Variants in ROBO2 observed in about 807,000 individuals in gnomAD.
The protein encoded by ROBO2 is roundabout homolog 2.
In ROBO2, 53 loss-of-function variants were observed where a neutral mutation model predicts 160.8. That is an observed-to-expected ratio of 0.33 (90% CI 0.26 to 0.41). The LOEUF (loss-of-function observed/expected upper bound fraction) is 0.41, where lower values mean the gene tolerates loss of function less well. Ranked by LOEUF, ROBO2 falls within the 10% of genes least tolerant of loss-of-function variation. The pLI, the probability that ROBO2 is intolerant of heterozygous loss-of-function variation, is 1.00. For synonymous variants in ROBO2, 664 were observed against 611.7 expected (o/e 1.09, Z -1.26); for missense variants, 1,577 against 1,722.4 (o/e 0.92, Z 1.49).
intron 2 of ROBO2, among the ~76,000 whole-genome samples, chr3:77,472,076 C>T (rs1462515866): frequency 2.0e-5 from 3 of 151,920 alleles, no homozygotes; most frequent in Non-Finnish European, 4.4e-5. Context: ...TCTGAAGTGG[C>T]GTATTTTGGG....
intron 1 of ROBO2, among the ~76,000 whole-genome samples, chr3:75,915,383 T>C (rs1297749705): frequency 6.6e-6 from 1 of 152,128 alleles, no homozygotes; most frequent in Non-Finnish European, 1.5e-5. Context: ...GTTAATGAAA[T>C]GTAATAGTGA....
At chr3:77,625,920 C>T (rs2095012913) in intron 23 of ROBO2, among the ~76,000 whole-genome samples, 1 of 152,050 alleles carries the variant, frequency 6.6e-6, no homozygotes, top group African/African-American at 2.4e-5. Flanking sequence ...ATCCTCACAA[C>T]CCTATTAATA....
At chr3:76,684,549 G>T (rs947712764) in intron 2 of ROBO2, among the ~76,000 whole-genome samples, 15 of 151,976 alleles carry the variant, frequency 9.9e-5, no homozygotes, top group Non-Finnish European at 1.9e-4. Context: ...TATTTTCTTT[G>T]CAATTTGCTT....
chr3:77,398,228 G>A (rs2153507668), intron 2 of ROBO2, among the ~76,000 whole-genome samples: 1 of 152,236 alleles, frequency 6.6e-6, no homozygotes, highest in South Asian at 2.1e-4. Context: ...AAAACCAAAA[G>A]AGAGGATTTC....
chr3:76,883,374 T>C (rs1333940040), intron 2 of ROBO2, among the ~76,000 whole-genome samples: 1 of 152,148 alleles, frequency 6.6e-6, no homozygotes, highest in East Asian at 1.9e-4. Context: ...TGTTCAAATG[T>C]TGTGATTAAT....
intron 2 of ROBO2, among the ~76,000 whole-genome samples, chr3:77,393,580 A>G (rs934207412): frequency 6.7e-6 from 1 of 148,604 alleles, no homozygotes; most frequent in Non-Finnish European, 1.5e-5. Context: ...TATAATTATA[A>G]TATATAGTAA....
intron 2 of ROBO2, among the ~76,000 whole-genome samples, chr3:76,482,137 C>T (rs957327201): frequency 6.6e-6 from 1 of 152,142 alleles, no homozygotes; most frequent in Non-Finnish European, 1.5e-5. Context: ...GCATGTGACC[C>T]TAACTAATAG....
intron 2 of ROBO2, among the ~76,000 whole-genome samples, chr3:76,061,748 A>G (rs2068075506): frequency 6.6e-6 from 1 of 152,148 alleles, no homozygotes; most frequent in African/African-American, 2.4e-5. Context: ...CAGATCCATT[A>G]TCTTATAATT....
rs1037942619 is a variant in ROBO2 at position 76,119,633 on chromosome 3, A to G, written c.109+182031A>G. On this transcript the variant is annotated intron_variant, in intron 2 of 26. Coordinates refer to the ROBO2 transcript ENST00000487694. ...ACATGTACCCTAGAACTTAATATAT[A>G]ATAAAAATAAATAAATAAAAAAGAA... 9.2e-5 allele frequency among the ~76,000 whole-genome samples: 14 copies of G among 151,836 alleles called. 1 individual carries two copies. Among genetic ancestry groups the G allele is most frequent in the Non-Finnish European group, 1.9e-4 (13 of 67,948 alleles).
intron 3 of ROBO2, 85 bp from the exon 4 acceptor site, chr3:77,481,014 A>G: frequency 1.6e-6 from 2 of 1,228,394 alleles, no homozygotes; most frequent in Admixed American, 1.7e-5. Context: ...ATGCTCAAAT[A>G]CTCAAAACTA....
At chr3:76,508,016 C>G (rs563678603) in intron 2 of ROBO2, among the ~76,000 whole-genome samples, 30 of 152,230 alleles carry the variant, frequency 2.0e-4, no homozygotes, top group Admixed American at 1.6e-3. Context: ...ATGTATGTCA[C>G]TTATCTAAAG....
chr3:76,223,689 G>C (rs147707079), intron 2 of ROBO2, among the ~76,000 whole-genome samples: 90 of 152,212 alleles, frequency 5.9e-4, no homozygotes, highest in Middle Eastern at 3.4e-3. Context: ...CTGAGTATCA[G>C]CAATATCAGC....
At chr3:77,646,273 T>C (rs1342789113) in exon 26 of ROBO2, 2 of 409,780 alleles carry the variant, frequency 4.9e-6, no homozygotes, top group South Asian at 2.2e-4. Context: ...TTGTCAGGAG[T>C]ATATAAAAAA....
At chr3:76,309,278 T>C (rs1192511991) in intron 2 of ROBO2, among the ~76,000 whole-genome samples, 1 of 152,204 alleles carries the variant, frequency 6.6e-6, no homozygotes, top group African/African-American at 2.4e-5. Context: ...GAGTTAAATA[T>C]AGCTCCCCAT....
intron 2 of ROBO2, among the ~76,000 whole-genome samples, chr3:76,146,697 GGTGTGTGTGT>G (rs139527329): frequency 7.3e-6 from 1 of 136,438 alleles, no homozygotes; most frequent in African/African-American, 2.7e-5. Context: ...GATTACATAG[GGTGTGTGTGT>G]GTGTGTGTGT....
chr3:76,262,066 T>C (rs1260682612), intron 2 of ROBO2, among the ~76,000 whole-genome samples: 2 of 152,156 alleles, frequency 1.3e-5, no homozygotes, highest in African/African-American at 4.8e-5. Context: ...GGAAGGTGAA[T>C]TGTCACATTG....
At chr3:75,937,629 T>G (rs1364062941) in intron 2 of ROBO2, 2 of 1,373,492 alleles carry the variant, frequency 1.5e-6, no homozygotes, top group Non-Finnish European at 2.0e-6. Flanking sequence ...TCTAATTCTT[T>G]GAGAGTTGGA....
At chr3:77,107,316 C>G (rs1271947304) in intron 2 of ROBO2, among the ~76,000 whole-genome samples, 1 of 152,030 alleles carries the variant, frequency 6.6e-6, no homozygotes, top group African/African-American at 2.4e-5. Context: ...AGACTTCAAG[C>G]AAGGGTTGTA....
At chr3:76,292,658 A>T (rs533693403) in intron 2 of ROBO2, among the ~76,000 whole-genome samples, 1 of 152,292 alleles carries the variant, frequency 6.6e-6, no homozygotes, top group African/African-American at 2.4e-5. Flanking sequence ...CTCATCAATC[A>T]CATTTTCTAA....
Sources: allele counts gnomAD v4.1 joint callset (sites outside exome capture counted in the v4.1 genomes callset), GRCh38; gene constraint gnomAD v4.1.1; transcripts MANE v1.5; gene names NCBI Gene and HGNC (gene_info 2026-07-23, HGNC 2026-07-21).